ZNF536: variants seen among roughly 807,000 people sequenced by gnomAD.
The protein encoded by ZNF536 is zinc finger protein 536.
A neutral mutation model predicts 84.5 loss-of-function variants in ZNF536; 13 were observed. That is an observed-to-expected ratio of 0.15 (90% CI 0.10 to 0.24). ZNF536 has a LOEUF of 0.24. Ranked by LOEUF, ZNF536 falls within the 10% of genes least tolerant of loss-of-function variation. ZNF536 has a pLI of 1.00. For synonymous variants in ZNF536, 811 were observed against 742.5 expected, an observed-to-expected ratio of 1.09 and a Z score of -1.50; for missense variants, 1,536 against 1,747.5, an observed-to-expected ratio of 0.88 and a Z score of 2.16.
At chr19:30,654,866 G>A (rs1040899788) in intron 1 of ZNF536, among the ~76,000 whole-genome samples, 10 of 146,540 alleles carry the variant, frequency 6.8e-5, no homozygotes, top group Non-Finnish European at 1.3e-4. Flanking sequence ...CAAAGCCACC[G>A]TGCTTACAGC....
chr19:30,590,823 T>C (rs17614350), intron 1 of ZNF536, among the ~76,000 whole-genome samples: 16,828 of 152,246 alleles, frequency 0.11, 1,200 homozygotes, highest in Non-Finnish European at 0.16. Context: ...TGGTTCCCAT[T>C]TATAAAACAA....
chr19:30,386,540 G>A (rs1242106941), intron 1 of ZNF536, among the ~76,000 whole-genome samples: 1 of 152,174 alleles, frequency 6.6e-6, no homozygotes, highest in Non-Finnish European at 1.5e-5. Context: ...ACAATGCCTG[G>A]CTATATTTTA....
chr19:30,278,528 C>G (rs766080767), intron 1 of ZNF536, among the ~76,000 whole-genome samples: 3 of 152,152 alleles, frequency 2.0e-5, no homozygotes, highest in Non-Finnish European at 4.4e-5. Context: ...CTGGGGCCAG[C>G]AAGGCCCCAA....
intron 3 of ZNF536, among the ~76,000 whole-genome samples, chr19:30,543,966 C>T (rs1448659081): frequency 6.6e-6 from 1 of 152,120 alleles, no homozygotes. Context: ...CAAAGCCTTC[C>T]CCTGTGCCCC....
At position 30,709,633 on chromosome 19, in the gene ZNF536, T is replaced by G. The variant is rs529591005; in HGVS notation, c.170-1124T>G. ...GCCTGGTTTTTTGTTTGTTTGTTTG[T>G]TCTTTGTGTTTGTGAAAGGGTCTTG... On this transcript the variant is annotated intron_variant, in intron 1 of 1. Transcript: ENST00000592773. Among the ~76,000 whole-genome samples, 20 of 152,300 alleles carry G rather than the reference T, an allele frequency of 1.3e-4. 1 individual carries two copies. In the South Asian group the frequency reaches 3.5e-3, roughly 27 times the overall value.
At chr19:30,265,887 T>TCTTTC (rs915297359) in intron 1 of ZNF536, among the ~76,000 whole-genome samples, 1 of 151,802 alleles carries the variant, frequency 6.6e-6, no homozygotes, top group African/African-American at 2.4e-5. Context: ...GTTTCTCTTT[T>TCTTTC]CTTTTTTTTT....
At chr19:30,315,034 T>C (rs1191663972) in intron 2 of ZNF536, among the ~76,000 whole-genome samples, 1 of 152,198 alleles carries the variant, frequency 6.6e-6, no homozygotes, top group Non-Finnish European at 1.5e-5. Flanking sequence ...CTTCCATGCT[T>C]CTCTCCCCTT....
chr19:30,286,530 C>CAGAGAG (rs914897874), intron 2 of ZNF536, among the ~76,000 whole-genome samples: 2 of 120,142 alleles, frequency 1.7e-5, no homozygotes, highest in South Asian at 3.0e-4. Context: ...GAGACAGAGA[C>CAGAGAG]AGAGAGAGAG....
At chr19:30,365,232 GCT>G (rs145597145) in intron 3 of ZNF536, among the ~76,000 whole-genome samples, 27 of 149,602 alleles carry the variant, frequency 1.8e-4, no homozygotes, top group Non-Finnish European at 2.4e-4. Flanking sequence ...ATAGGCATGT[GCT>G]CTCTCTCTCT....
At chr19:30,436,458 T>G in intron 1 of ZNF536, 1 of 946,036 alleles carries the variant, frequency 1.1e-6, no homozygotes, top group African/African-American at 2.4e-5. Context: ...TCACCAGTGT[T>G]GATTGTAAGA....
At chr19:30,232,443 C>T (rs780256002) in intron 1 of ZNF536, among the ~76,000 whole-genome samples, 4 of 151,954 alleles carry the variant, frequency 2.6e-5, no homozygotes, top group African/African-American at 9.7e-5. Flanking sequence ...CTTTCTCCCC[C>T]CTCTAGTGTC....
At chr19:30,640,162 A>G (rs973523618) in intron 1 of ZNF536, among the ~76,000 whole-genome samples, 13 of 152,124 alleles carry the variant, frequency 8.5e-5, no homozygotes, top group Non-Finnish European at 1.8e-4. Context: ...TGGAAGGATC[A>G]CTTGAATCCG....
At chr19:30,478,309 C>A (rs1370860317) in intron 2 of ZNF536, among the ~76,000 whole-genome samples, 1 of 152,174 alleles carries the variant, frequency 6.6e-6, no homozygotes, top group Non-Finnish European at 1.5e-5. Context: ...GTCTTACGAT[C>A]TAACTCTGCC....
intron 2 of ZNF536, among the ~76,000 whole-genome samples, chr19:30,515,059 C>T (rs1040910034): frequency 6.6e-6 from 1 of 151,952 alleles, no homozygotes. Flanking sequence ...GAGACCAGCA[C>T]GGGCAACATG....
At chr19:30,576,561 T>C (rs950441354) in intron 1 of ZNF536, among the ~76,000 whole-genome samples, 1 of 152,224 alleles carries the variant, frequency 6.6e-6, no homozygotes, top group Non-Finnish European at 1.5e-5. Context: ...TGTGCTCTTC[T>C]ACGCTAGTGG....
chr19:30,307,346 C>A (rs557064926), intron 2 of ZNF536, among the ~76,000 whole-genome samples: 1 of 146,250 alleles, frequency 6.8e-6, no homozygotes, highest in Admixed American at 6.9e-5. Context: ...TCAGGGGGAA[C>A]GGTGATTAGG....
intron 2 of ZNF536, among the ~76,000 whole-genome samples, chr19:30,288,836 C>A (rs1048558094): frequency 6.6e-6 from 1 of 152,162 alleles, no homozygotes; most frequent in Non-Finnish European, 1.5e-5. Flanking sequence ...TCCTCTATTC[C>A]ATCATCCTTC....
intron 2 of ZNF536, among the ~76,000 whole-genome samples, chr19:30,311,630 C>T (rs1210510462): frequency 6.6e-6 from 1 of 152,278 alleles, no homozygotes; most frequent in East Asian, 1.9e-4. Flanking sequence ...CTCTCTCTCT[C>T]TCTTCCCCCA....
intron 2 of ZNF536, among the ~76,000 whole-genome samples, chr19:30,297,804 G>T (rs375685338): frequency 6.6e-6 from 1 of 151,908 alleles, no homozygotes; most frequent in Non-Finnish European, 1.5e-5. Context: ...GAGCTTGGGC[G>T]CCAGGCAGCA....
Sources: gnomAD v4.1 joint callset for allele counts (sites outside exome capture counted in the v4.1 genomes callset) on GRCh38, gnomAD v4.1.1 for gene constraint, MANE v1.5 for transcripts, NCBI Gene and HGNC (gene_info 2026-07-23, HGNC 2026-07-21) for gene names.